AGFG1: variants seen among roughly 807,000 people sequenced by gnomAD.
AGFG1 encodes arf-GAP domain and FG repeat-containing protein 1.
Under a neutral mutation model 60.6 loss-of-function variants are expected in AGFG1, and 10 were observed. The observed-to-expected ratio is 0.16, with a 90% CI of 0.10 to 0.28. The LOEUF (loss-of-function observed/expected upper bound fraction) is 0.28, where lower values mean the gene tolerates loss of function less well. AGFG1 is among the 10% of genes least tolerant of loss of function. The pLI is 1.00. For synonymous variants in AGFG1, 247 were observed against 242.9 expected, an observed-to-expected ratio of 1.02 and a Z score of -0.16; for missense variants, 537 against 676.5, an observed-to-expected ratio of 0.79 and a Z score of 2.29.
At chr2:227,548,480 T>C (rs1692718012) in intron 10 of AGFG1, among the ~76,000 whole-genome samples, 1 of 152,190 alleles carries the variant, frequency 6.6e-6, no homozygotes, top group African/African-American at 2.4e-5. Context: ...TAAAAGTCAG[T>C]TTTTGCCAGT....
intron 1 of AGFG1, among the ~76,000 whole-genome samples, chr2:227,476,401 CATT>C (rs1690281067): frequency 6.6e-6 from 1 of 152,054 alleles, no homozygotes; most frequent in Non-Finnish European, 1.5e-5. Flanking sequence ...AGACTATAAA[CATT>C]AGTATAATTG....
rs116451286 is a variant in AGFG1 at position 227,556,174 on chromosome 2, A to T, written c.*1679A>T. On this transcript the variant is annotated 3_prime_UTR_variant, in exon 13 of 13. Coordinates refer to ENST00000310078, the MANE Select transcript of AGFG1 (RefSeq NM_004504.5). ...TATCTTAAATTGATTAAAACTTTTT[A>T]AAAAGCTTTGGTATTAAAAGAGGTA... The T allele has an allele frequency of 6.2e-4, 94 of 152,368 alleles. No individual in the cohort carries two copies. Among genetic ancestry groups the T allele is most frequent in the Middle Eastern group, 3.4e-3 (1 of 294 alleles). The allele number at this position is 152,368 out of a possible 1,614,324, so 9.4% of individuals were successfully genotyped here. A position where few individuals can be genotyped will look rare whatever the true frequency, so the allele number is the denominator to read the frequency against.
chr2:227,511,640 A>G (rs560921481), intron 2 of AGFG1, among the ~76,000 whole-genome samples: 2 of 152,356 alleles, frequency 1.3e-5, no homozygotes, highest in Admixed American at 6.5e-5. Context: ...TAGATGGAAC[A>G]AAAGAAAAAA....
chr2:227,498,779 T>C (rs1314098428), intron 2 of AGFG1, among the ~76,000 whole-genome samples: 1 of 152,232 alleles, frequency 6.6e-6, no homozygotes, highest in Non-Finnish European at 1.5e-5. Context: ...GTAACTACTC[T>C]GAGAGTTTAC....
chr2:227,532,306 G>A lies in AGFG1; in HGVS notation c.814+1096G>A, dbSNP rs972018248. The A allele has an allele frequency of 4.7e-6, 4 of 859,558 alleles. No individual in the cohort carries two copies. In the South Asian group the frequency reaches 6.3e-5, roughly 14 times the overall value. The allele number at this position is 859,558 out of a possible 1,614,324, so 53.2% of individuals were successfully genotyped here. On this transcript the variant is annotated intron_variant, in intron 6 of 12. Coordinates refer to ENST00000310078, the MANE Select transcript of AGFG1 (RefSeq NM_004504.5). ...GTTATAGATTGTTAATAATTCTTTA[G>A]TGATAATCCTTCATAAAAATCTCTT... is the stretch of plus-strand genomic sequence containing the variant.
intron 10 of AGFG1, among the ~76,000 whole-genome samples, chr2:227,540,645 G>A (rs1273828270): frequency 2.6e-5 from 4 of 152,086 alleles, no homozygotes; most frequent in Admixed American, 1.3e-4. Flanking sequence ...GAATAGTGCC[G>A]CAGTAAACGT....
rs1693065225 is a variant in AGFG1 at position 227,559,287 on chromosome 2, CAT to C, written c.*4793_*4794del. The C allele has an allele frequency of 6.6e-6, 1 of 152,248 alleles. No homozygotes were observed. Among genetic ancestry groups the C allele is most frequent in the Non-Finnish European group, 1.5e-5 (1 of 67,998 alleles). The allele number at this position is 152,248 out of a possible 1,614,324, so 9.4% of individuals were successfully genotyped here. On this transcript the variant is annotated 3_prime_UTR_variant, in exon 13 of 13. Transcript: ENST00000310078. ...AATTTTTCTTAGTCTCAAACATTCA[CAT>C]GTTTTTCAAGGCCTTGGAGTTGGCA...
intron 2 of AGFG1, among the ~76,000 whole-genome samples, chr2:227,507,768 A>C (rs985811163): frequency 6.6e-6 from 1 of 152,114 alleles, no homozygotes; most frequent in Non-Finnish European, 1.5e-5. Context: ...GTGCACCACC[A>C]TTTGTGGTCT....
chr2:227,520,099 C>A, intron 3 of AGFG1, 36 bp downstream of exon 3: 2 of 1,269,690 alleles, frequency 1.6e-6, no homozygotes, highest in Non-Finnish European at 2.2e-6. Flanking sequence ...TAAAGCCTCC[C>A]CAAATCACAT....
chr2:227,508,348 C>T, intron 2 of AGFG1: 3 of 239,304 alleles, frequency 1.3e-5, no homozygotes, highest in Non-Finnish European at 2.5e-5. Context: ...ATCCTTAAAC[C>T]ATAGATAATC....
rs1452143682 is a variant in AGFG1 at position 227,557,433 on chromosome 2, C to G, written c.*2938C>G. Reference sequence around the variant, plus strand: ...TAGTACAGTTCCTGTCAATTGGCAACATGGAGAGGGTGACCTGGCTGCTGG... The same window carrying G: ...TAGTACAGTTCCTGTCAATTGGCAAGATGGAGAGGGTGACCTGGCTGCTGG... On this transcript the variant is annotated 3_prime_UTR_variant, in exon 13 of 13. Transcript: ENST00000310078. The G allele has an allele frequency of 6.6e-6, 1 of 152,154 alleles. No individual in the cohort carries two copies. Among genetic ancestry groups the G allele is most frequent in the African/African-American group, 2.4e-5 (1 of 41,426 alleles). 9.4% of individuals were successfully genotyped at this position (152,154 alleles called of 1,614,324 possible).
rs1324292558 is a variant in AGFG1 at position 227,555,177 on chromosome 2, T to C, written c.*682T>C. The C allele has an allele frequency of 6.6e-6, 1 of 152,610 alleles. No homozygotes were observed. The highest frequency in any genetic ancestry group is 2.1e-4 in the South Asian group (1 of 4,836). The allele number at this position is 152,610 out of a possible 1,614,324, so 9.5% of individuals were successfully genotyped here. On this transcript the variant is annotated 3_prime_UTR_variant, in exon 13 of 13. Coordinates refer to ENST00000310078, the MANE Select transcript of AGFG1 (RefSeq NM_004504.5). ...GCCTTTACCAAAGTGGCCTTAAATATGAGTAGTGAATTGAGAACATCTTGA... is the reference window on the plus strand; with the variant it reads ...GCCTTTACCAAAGTGGCCTTAAATACGAGTAGTGAATTGAGAACATCTTGA...
chr2:227,531,955 A>G (rs564132241), intron 6 of AGFG1, among the ~76,000 whole-genome samples: 70 of 152,318 alleles, frequency 4.6e-4, no homozygotes, highest in Non-Finnish European at 9.1e-4. Context: ...GTGTTTAAAC[A>G]TTGAATACTC....
At chr2:227,506,890 C>T (rs1269749991) in intron 2 of AGFG1, among the ~76,000 whole-genome samples, 1 of 152,156 alleles carries the variant, frequency 6.6e-6, no homozygotes, top group Admixed American at 6.5e-5. Flanking sequence ...CTCTGTTCTC[C>T]CAGTTACCTA....
rs923728360 is a variant in AGFG1 at position 227,557,965 on chromosome 2, G to A, written c.*3470G>A. On this transcript the variant is annotated 3_prime_UTR_variant, in exon 13 of 13. Transcript: ENST00000310078. Reference sequence around the variant, plus strand: ...GAGAACCACTATACTTTAAATTTGTGTATTTCTAGAACAGTATTTACTTGC... The same window carrying A: ...GAGAACCACTATACTTTAAATTTGTATATTTCTAGAACAGTATTTACTTGC... 6.6e-6 allele frequency: 1 copy of A among 152,180 alleles called. No individual in the cohort carries two copies. 9.4% of individuals were successfully genotyped at this position (152,180 alleles called of 1,614,324 possible). A position where few individuals can be genotyped will look rare whatever the true frequency, so the allele number is the denominator to read the frequency against.
rs111498312 is a variant in AGFG1, at chr2:227,504,188, A to ATT, written c.261+12565_261+12566dup. 6.3e-3 allele frequency among the ~76,000 whole-genome samples: 876 copies of ATT among 138,580 alleles called. 9 individuals are homozygous for ATT. Among genetic ancestry groups the ATT allele is most frequent in the African/African-American group, 0.021 (802 of 37,440 alleles). 90.9% of individuals were successfully genotyped at this position (138,580 alleles called of 152,430 possible). The stretch of plus-strand genomic sequence containing the variant: ...GAAGAGGCAGGGACACTTGGTGTAA[A>ATT]TTTTTTTTTTTTTTTTTTGAGATAG... On this transcript the variant is annotated intron_variant, in intron 2 of 12. Coordinates refer to ENST00000310078, the MANE Select transcript of AGFG1 (RefSeq NM_004504.5).
At chr2:227,516,053 G>GA (rs1691641085) in intron 2 of AGFG1, among the ~76,000 whole-genome samples, 2 of 152,174 alleles carry the variant, frequency 1.3e-5, no homozygotes, top group Admixed American at 6.5e-5. Flanking sequence ...TGTATAGTTT[G>GA]AATCTCTCTT....
chr2:227,478,558 C>G (rs1171274977), intron 1 of AGFG1, among the ~76,000 whole-genome samples: 1 of 152,140 alleles, frequency 6.6e-6, no homozygotes, highest in Non-Finnish European at 1.5e-5. Flanking sequence ...TGATCTCCAA[C>G]TCCTGGCTCA....
rs1247039275 is a variant in AGFG1, at chr2:227,555,088, G to A, written c.*593G>A. The A allele has an allele frequency of 6.6e-6, 1 of 152,460 alleles. No homozygotes were observed. The highest frequency in any genetic ancestry group is 1.5e-5 in the Non-Finnish European group (1 of 67,970). 9.4% of individuals were successfully genotyped at this position (152,460 alleles called of 1,614,324 possible). A position where few individuals can be genotyped will look rare whatever the true frequency, so the allele number is the denominator to read the frequency against. ...ATAAAGCTGATCATGTTTTGCTACAGTTTGCAGGTGAAAAAAAATAAATAT... is the reference window on the plus strand; with the variant it reads ...ATAAAGCTGATCATGTTTTGCTACAATTTGCAGGTGAAAAAAAATAAATAT... On this transcript the variant is annotated 3_prime_UTR_variant, in exon 13 of 13. Coordinates refer to ENST00000310078, the MANE Select transcript of AGFG1 (RefSeq NM_004504.5).
Sources: gnomAD v4.1 joint callset for allele counts (sites outside exome capture counted in the v4.1 genomes callset) on GRCh38, gnomAD v4.1.1 for gene constraint, MANE v1.5 for transcripts, NCBI Gene and HGNC (gene_info 2026-07-23, HGNC 2026-07-21) for gene names.